ATG7: variants seen among roughly 807,000 people sequenced by gnomAD.
ATG7 encodes autophagy related 7.
Under a neutral mutation model 82.4 loss-of-function variants are expected in ATG7, and 70 were observed. The ratio of observed to expected loss-of-function variants is 0.85; its 90% CI spans 0.70 to 1.04. The LOEUF (loss-of-function observed/expected upper bound fraction) is 1.04. Among genes scored for constraint, ATG7 ranks in the 50% least tolerant of loss-of-function variants. The pLI is 0.00. For missense variants in ATG7, 792 were observed against 864.3 expected (o/e 0.92, Z 1.05); for synonymous variants, 287 against 313.0 (o/e 0.92, Z 0.88).
the ATG7 span, among the ~76,000 whole-genome samples, chr3:11,562,899 A>G: frequency 6.6e-6 from 1 of 152,208 alleles, no homozygotes; most frequent in Admixed American, 6.5e-5. Flanking sequence ...CTCCTAGGAA[A>G]GCTGCTCAGG....
At chr3:11,304,334 C>T (rs1419600051) in intron 5 of ATG7, among the ~76,000 whole-genome samples, 1 of 152,146 alleles carries the variant, frequency 6.6e-6, no homozygotes, top group Non-Finnish European at 1.5e-5. Context: ...GCGGTCTAAG[C>T]GCATGGCTGT....
intron 20 of ATG7, among the ~76,000 whole-genome samples, chr3:11,488,648 G>A (rs1250445214): frequency 6.6e-6 from 1 of 152,142 alleles, no homozygotes; most frequent in Non-Finnish European, 1.5e-5. Context: ...CCGGCGCCGT[G>A]ACCTCCTCTC....
rs750704779 is a variant in ATG7, at chr3:11,282,282, A to G, written c.-167A>G. 3.9e-5 allele frequency: 6 copies of G among 152,270 alleles called. No individual in the cohort carries two copies. Among genetic ancestry groups the G allele is most frequent in the African/African-American group, 7.2e-5 (3 of 41,464 alleles). The allele number at this position is 152,270 out of a possible 1,614,324, so 9.4% of individuals were successfully genotyped here. On this transcript the variant is annotated 5_prime_UTR_variant, in exon 3 of 21. Transcript: ENST00000693202. The stretch of plus-strand genomic sequence containing the variant: ...ACCAGATTGCATGTGAAGGTGAAGG[A>G]TATTATAGCAGAAGGAAACCAAAAT...
At position 11,299,351 on chromosome 3, in the gene ATG7, C is replaced by T; in HGVS notation, c.161-11C>T. Reference sequence around the variant, plus strand: ...ACTTGTCATTGAAAATGTGATAATGCTTCTGTCCAGGTGACTCTGCTGGGC... The same window carrying T: ...ACTTGTCATTGAAAATGTGATAATGTTTCTGTCCAGGTGACTCTGCTGGGC... On this transcript the variant is annotated splice_polypyrimidine_tract_variant and intron_variant, in intron 4 of 20. Transcript: ENST00000693202. 1 of 1,606,636 alleles carries T rather than the reference C, an allele frequency of 6.2e-7. No individual in the cohort carries two copies. Among genetic ancestry groups the T allele is most frequent in the South Asian group, 1.1e-5 (1 of 90,926 alleles).
At chr3:11,469,449 C>CAA (rs370033434) in intron 20 of ATG7, among the ~76,000 whole-genome samples, 4 of 140,526 alleles carry the variant, frequency 2.8e-5, no homozygotes, top group Non-Finnish European at 6.3e-5. Context: ...AACTCCACCT[C>CAA]AAAAAAAAAA....
At chr3:11,295,784 CTTTCTTTT>C (rs535798763) in intron 3 of ATG7, among the ~76,000 whole-genome samples, 1 of 90,254 alleles carries the variant, frequency 1.1e-5, no homozygotes, top group South Asian at 3.0e-4. Flanking sequence ...TTCTTTCTTT[CTTTCTTTT>C]TTTTTTTTTT....
At chr3:11,379,946 A>C (rs1302894940) in intron 18 of ATG7, 26 bp from the exon 19 acceptor site, 1 of 1,606,326 alleles carries the variant, frequency 6.2e-7, no homozygotes, top group Non-Finnish European at 8.5e-7. Flanking sequence ...GTTTGATGTG[A>C]ATTGTTTTGT....
intron 19 of ATG7, among the ~76,000 whole-genome samples, chr3:11,421,362 A>T (rs904181464): frequency 6.6e-6 from 1 of 152,244 alleles, no homozygotes; most frequent in African/African-American, 2.4e-5. Flanking sequence ...CTTTATCAAC[A>T]TGATGTTCTA....
At chr3:11,460,207 A>C (rs1437794684) in intron 20 of ATG7, among the ~76,000 whole-genome samples, 3 of 152,238 alleles carry the variant, frequency 2.0e-5, no homozygotes, top group Non-Finnish European at 4.4e-5. Flanking sequence ...TGAATGTTAA[A>C]GGAACAATCT....
intron 20 of ATG7, among the ~76,000 whole-genome samples, chr3:11,470,226 A>G (rs2087336331): frequency 6.6e-6 from 1 of 152,150 alleles, no homozygotes; most frequent in East Asian, 1.9e-4. Flanking sequence ...CACATCACTT[A>G]ACGATGGGGA....
At chr3:11,575,633 C>T in the ATG7 span, among the ~76,000 whole-genome samples, 3 of 152,234 alleles carry the variant, frequency 2.0e-5, no homozygotes, top group Admixed American at 1.3e-4. Context: ...AGATCCCAGA[C>T]ACCAGCCTTA....
At chr3:11,310,924 A>C (rs916690584) in intron 7 of ATG7, among the ~76,000 whole-genome samples, 1 of 152,168 alleles carries the variant, frequency 6.6e-6, no homozygotes, top group African/African-American at 2.4e-5. Context: ...GAGCCACCGC[A>C]TGCAGCCTGT....
At chr3:11,573,492 A>C in the ATG7 span, among the ~76,000 whole-genome samples, 4 of 152,138 alleles carry the variant, frequency 2.6e-5, no homozygotes, top group Non-Finnish European at 5.9e-5. Context: ...CAGGTCATCC[A>C]CCTTCGACTT....
chr3:11,439,607 G>C (rs2083689675), intron 20 of ATG7, among the ~76,000 whole-genome samples: 1 of 152,196 alleles, frequency 6.6e-6, no homozygotes, highest in Admixed American at 6.5e-5. Context: ...GATAGGACAG[G>C]AAAGTCACTA....
chr3:11,401,519 C>T (rs1317150364), intron 19 of ATG7, among the ~76,000 whole-genome samples: 1 of 152,220 alleles, frequency 6.6e-6, no homozygotes, highest in Admixed American at 6.5e-5. Context: ...TTATCCACTA[C>T]ACTCATGGTA....
At chr3:11,501,412 A>C (rs2091309093) in intron 20 of ATG7, among the ~76,000 whole-genome samples, 1 of 152,246 alleles carries the variant, frequency 6.6e-6, no homozygotes, top group Non-Finnish European at 1.5e-5. Flanking sequence ...AAGGACTGAG[A>C]AGTTTCTATT....
intron 20 of ATG7, among the ~76,000 whole-genome samples, chr3:11,459,128 C>G (rs2086053313): frequency 6.7e-6 from 1 of 149,348 alleles, no homozygotes; most frequent in Admixed American, 6.7e-5. Context: ...GCTTCACTTT[C>G]TGACACAGGA....
chr3:11,542,569 C>T lies in ATG7; in HGVS notation c.2080-12242C>T, dbSNP rs113127124. Among the ~76,000 whole-genome samples, 237 of 152,352 alleles carry T rather than the reference C, an allele frequency of 1.6e-3. 2 individuals carry two copies. The highest frequency in any genetic ancestry group is 5.2e-3 in the African/African-American group (216 of 41,578). ...CTTCCTGTGGCCCGTGTACCTCTCA[C>T]CTGGGTCCCTGGAGACACCAGTATC... is the stretch of plus-strand genomic sequence containing the variant. On this transcript the variant is annotated intron_variant, in intron 20 of 20. Transcript: ENST00000693202.
At chr3:11,362,577 A>G (rs1198123194) in intron 16 of ATG7, among the ~76,000 whole-genome samples, 1 of 152,110 alleles carries the variant, frequency 6.6e-6, no homozygotes, top group African/African-American at 2.4e-5. Context: ...AATATCCCCC[A>G]ATCTGTTTAG....
Sources: allele counts gnomAD v4.1 joint callset (sites outside exome capture counted in the v4.1 genomes callset), GRCh38; gene constraint gnomAD v4.1.1; transcripts MANE v1.5; gene names NCBI Gene and HGNC (gene_info 2026-07-23, HGNC 2026-07-21).